Variants in ATP9A observed in about 807,000 individuals in gnomAD.
ATP9A encodes the protein probable phospholipid-transporting ATPase IIA.
A neutral mutation model predicts 144.1 loss-of-function variants in ATP9A; 52 were observed. That is an observed-to-expected ratio of 0.36 (90% CI 0.29 to 0.45). ATP9A has a LOEUF of 0.45. Among genes scored for constraint, ATP9A ranks in the 20% least tolerant of loss-of-function variants. The pLI, the probability that ATP9A is intolerant of heterozygous loss-of-function variation, is 1.00. For synonymous variants in ATP9A, 582 were observed against 557.4 expected (o/e 1.04, Z -0.62); for missense variants, 947 against 1,392.7 (o/e 0.68, Z 5.09).
chr20:51,677,960 G>A (rs73913035), intron 9 of ATP9A, among the ~76,000 whole-genome samples: 3,493 of 152,216 alleles, frequency 0.023, 79 homozygotes, highest in African/African-American at 0.056. Flanking sequence ...AAATTTGGCA[G>A]TATCTGTCAA....
At chr20:51,722,604 A>G (rs2077694480) in intron 3 of ATP9A, among the ~76,000 whole-genome samples, 1 of 152,258 alleles carries the variant, frequency 6.6e-6, no homozygotes, top group Non-Finnish European at 1.5e-5. Flanking sequence ...GATCAACATC[A>G]CTAATGATCA....
chr20:51,740,672 G>A (rs1185368691), intron 1 of ATP9A, among the ~76,000 whole-genome samples: 1 of 149,282 alleles, frequency 6.7e-6, no homozygotes, highest in East Asian at 2.0e-4. Context: ...AGGCTCAAGT[G>A]ATCCTCTTGC....
chr20:51,622,494 T>C (rs767336162), intron 18 of ATP9A, among the ~76,000 whole-genome samples: 28 of 152,294 alleles, frequency 1.8e-4, no homozygotes, highest in Middle Eastern at 3.4e-3. Flanking sequence ...AAGTGATAAA[T>C]ATCCTAAAAG....
intron 4 of ATP9A, among the ~76,000 whole-genome samples, chr20:51,707,065 G>A (rs1053280820): frequency 3.9e-5 from 6 of 152,098 alleles, no homozygotes; most frequent in Admixed American, 6.6e-5. Flanking sequence ...CACCCCAGCC[G>A]TCACAGGCTG....
intron 23 of ATP9A, among the ~76,000 whole-genome samples, chr20:51,612,541 T>C (rs909708854): frequency 2.6e-5 from 4 of 152,202 alleles, no homozygotes; most frequent in Non-Finnish European, 4.4e-5. Flanking sequence ...TCTCGTGCCT[T>C]AGCCTCCCAA....
intron 13 of ATP9A, among the ~76,000 whole-genome samples, chr20:51,661,480 C>T (rs1216276763): frequency 1.3e-5 from 2 of 150,996 alleles, no homozygotes; most frequent in African/African-American, 4.9e-5. Flanking sequence ...CCTCCCACCT[C>T]AGCCTTCTGA....
At chr20:51,682,206 G>A (rs147553440) in intron 9 of ATP9A, among the ~76,000 whole-genome samples, 27 of 152,190 alleles carry the variant, frequency 1.8e-4, no homozygotes, top group African/African-American at 5.1e-4. Flanking sequence ...CAATTTACCC[G>A]TGTAGCAAAT....
At chr20:51,708,559 A>G (rs2077624351) in intron 4 of ATP9A, among the ~76,000 whole-genome samples, 1 of 151,698 alleles carries the variant, frequency 6.6e-6, no homozygotes, top group South Asian at 2.1e-4. Context: ...ATATGGCGAA[A>G]CCTCGTCTCT....
At chr20:51,666,147 TAA>T (rs1451332732) in intron 13 of ATP9A, among the ~76,000 whole-genome samples, 2 of 152,192 alleles carry the variant, frequency 1.3e-5, no homozygotes, top group African/African-American at 2.4e-5. Context: ...AACTGAAATG[TAA>T]AGAGTCGCTT....
At chr20:51,604,788 G>T in intron 27 of ATP9A, 29 bp downstream of exon 27, 1 of 1,448,532 alleles carries the variant, frequency 6.9e-7, no homozygotes, top group Non-Finnish European at 9.1e-7. Flanking sequence ...GGGGGTGACG[G>T]ACGGGGTTTA....
At chr20:51,610,333 T>C (rs555114118) in intron 23 of ATP9A, among the ~76,000 whole-genome samples, 168 bp from the exon 24 acceptor site, 5 of 152,222 alleles carry the variant, frequency 3.3e-5, no homozygotes, top group South Asian at 2.1e-4. Context: ...AACAACCCTA[T>C]GAAGTAGGTA....
intron 9 of ATP9A, among the ~76,000 whole-genome samples, chr20:51,680,244 A>AAAAAAAAAAAAT (rs2077494642): frequency 2.6e-5 from 4 of 151,614 alleles, no homozygotes; most frequent in Non-Finnish European, 5.9e-5. Flanking sequence ...AAAAAAAAAA[A>AAAAAAAAAAAAT]AACTTGTGGC....
chr20:51,682,542 T>G (rs1372023763), intron 9 of ATP9A, among the ~76,000 whole-genome samples: 1 of 139,922 alleles, frequency 7.1e-6, no homozygotes, highest in African/African-American at 2.6e-5. Context: ...GACCCAGACA[T>G]CCTCTGCTCT....
intron 14 of ATP9A, among the ~76,000 whole-genome samples, chr20:51,645,550 A>C (rs917716596): frequency 6.7e-6 from 1 of 149,400 alleles, no homozygotes; most frequent in Non-Finnish European, 1.5e-5. Context: ...CAAAAAAAAA[A>C]CAAGAACGTT....
At chr20:51,666,757 G>C (rs978540701) in intron 13 of ATP9A, among the ~76,000 whole-genome samples, 1 of 152,050 alleles carries the variant, frequency 6.6e-6, no homozygotes, top group African/African-American at 2.4e-5. Flanking sequence ...CTCTAAGGTG[G>C]GAGGCGTGAC....
At chr20:51,681,203 A>G (rs2077498294) in intron 9 of ATP9A, among the ~76,000 whole-genome samples, 1 of 152,230 alleles carries the variant, frequency 6.6e-6, no homozygotes, top group Non-Finnish European at 1.5e-5. Flanking sequence ...CCAAGTTAAG[A>G]GAATGGCAGC....
At chr20:51,758,726 A>G (rs1037776188) in intron 1 of ATP9A, among the ~76,000 whole-genome samples, 1 of 152,134 alleles carries the variant, frequency 6.6e-6, no homozygotes, top group African/African-American at 2.4e-5. Context: ...AGAGTTCGAG[A>G]CCAGCCTGCA....
chr20:51,728,949 AT>A (rs1264304104), intron 2 of ATP9A, among the ~76,000 whole-genome samples: 4 of 152,220 alleles, frequency 2.6e-5, no homozygotes, highest in Non-Finnish European at 5.9e-5. Flanking sequence ...TAGATATTTA[AT>A]TTATGTGCAT....
intron 15 of ATP9A, among the ~76,000 whole-genome samples, chr20:51,630,947 G>C (rs893671657): frequency 2.6e-5 from 4 of 152,148 alleles, no homozygotes; most frequent in Non-Finnish European, 2.9e-5. Flanking sequence ...CCTGGGTCTA[G>C]GGAGTAACAG....
Sources: allele counts gnomAD v4.1 joint callset (sites outside exome capture counted in the v4.1 genomes callset), GRCh38; gene constraint gnomAD v4.1.1; transcripts MANE v1.5; gene names NCBI Gene and HGNC (gene_info 2026-07-23, HGNC 2026-07-21).